The following SMIM36 variants were observed in gnomAD, a reference collection of about 807,000 sequenced individuals.
The protein encoded by SMIM36 is small integral membrane protein 36.
intron 1 of SMIM36, among the ~76,000 whole-genome samples, chr17:55,507,784 C>T (rs7219005): frequency 0.55 from 83,513 of 151,890 alleles, 24,163 homozygotes; most frequent in African/African-American, 0.74. Flanking sequence ...TTTGCGCATG[C>T]GCACTTTACC....
rs534265276 is a variant in SMIM36, at chr17:55,502,038, C to T, written c.*174+8841G>A. ...GACCGGCTTAAAAAACGGCGCACCA[C>T]GAGACTATATCCCACACCTGGCTCT... On this transcript the variant is annotated intron_variant, in intron 1 of 4. Transcript: ENST00000636752. 5.4e-4 allele frequency among the ~76,000 whole-genome samples: 82 copies of T among 152,010 alleles called. No individual in the cohort carries two copies. The South Asian group carries it at 0.015, about 28-fold the overall frequency.
chr17:55,455,945 C>T (rs1567861693), intron 4 of SMIM36, among the ~76,000 whole-genome samples: 1 of 151,708 alleles, frequency 6.6e-6, no homozygotes. Flanking sequence ...CGGTGAAACC[C>T]TGTTTCTACT....
At chr17:55,528,833 G>A in the SMIM36 span, among the ~76,000 whole-genome samples, 1 of 152,180 alleles carries the variant, frequency 6.6e-6, no homozygotes, top group East Asian at 1.9e-4. Context: ...TTACAGGCAT[G>A]AGCCACTGCA....
intron 4 of SMIM36, among the ~76,000 whole-genome samples, chr17:55,451,071 G>A (rs1908906592): frequency 1.3e-5 from 2 of 152,124 alleles, no homozygotes; most frequent in African/African-American, 2.4e-5. Context: ...ATTTTTAGTA[G>A]ATATGGGGTT....
At chr17:55,525,516 CT>C in the SMIM36 span, among the ~76,000 whole-genome samples, 2 of 152,324 alleles carry the variant, frequency 1.3e-5, no homozygotes, top group South Asian at 4.1e-4. Context: ...CTTTTGATGA[CT>C]GAATATTCTA....
chr17:55,502,908 C>T (rs1910018420), intron 1 of SMIM36, among the ~76,000 whole-genome samples: 1 of 143,768 alleles, frequency 7.0e-6, no homozygotes, highest in African/African-American at 2.7e-5. Flanking sequence ...AACCAAGGCT[C>T]GAGAACTACG....
chr17:55,459,358 T>G (rs79019967), intron 4 of SMIM36, among the ~76,000 whole-genome samples: 27 of 152,342 alleles, frequency 1.8e-4, no homozygotes, highest in East Asian at 1.7e-3. Flanking sequence ...CTAGATTTTT[T>G]TTGTTGTTGT....
chr17:55,530,380 C>A, the SMIM36 span, among the ~76,000 whole-genome samples: 1 of 152,206 alleles, frequency 6.6e-6, no homozygotes, highest in African/African-American at 2.4e-5. Flanking sequence ...TATGGTCCTC[C>A]TTTGGCAATT....
At chr17:55,491,976 A>G (rs1180753300) in intron 1 of SMIM36, among the ~76,000 whole-genome samples, 4 of 151,838 alleles carry the variant, frequency 2.6e-5, no homozygotes, top group Non-Finnish European at 4.4e-5. Context: ...TGGTTAACAC[A>G]GTGAAACCTC....
intron 1 of SMIM36, among the ~76,000 whole-genome samples, chr17:55,499,299 T>C (rs1909868184): frequency 6.6e-6 from 1 of 152,002 alleles, no homozygotes; most frequent in Admixed American, 6.6e-5. Flanking sequence ...AGAGATGGGG[T>C]TGGTGGAACA....
chr17:55,512,127 T>C (rs1910192082), upstream of SMIM36, among the ~76,000 whole-genome samples: 1 of 152,174 alleles, frequency 6.6e-6, no homozygotes, highest in African/African-American at 2.4e-5. Flanking sequence ...TCAAAAAAGC[T>C]TCCATGCAGA....
At chr17:55,520,495 A>C in the SMIM36 span, among the ~76,000 whole-genome samples, 1 of 152,180 alleles carries the variant, frequency 6.6e-6, no homozygotes, top group Non-Finnish European at 1.5e-5. Context: ...GCTAAGTAAA[A>C]TAAGGGCTAC....
chr17:55,502,091 T>G (rs1179635449), intron 1 of SMIM36, among the ~76,000 whole-genome samples: 3 of 151,268 alleles, frequency 2.0e-5, no homozygotes, highest in Non-Finnish European at 4.4e-5. Flanking sequence ...GGAATCTCGC[T>G]GATTGCTAGC....
At chr17:55,508,862 G>T (rs1024266446) in intron 1 of SMIM36, among the ~76,000 whole-genome samples, 3 of 148,034 alleles carry the variant, frequency 2.0e-5, no homozygotes, top group Admixed American at 1.4e-4. Flanking sequence ...GGCGGAGGTT[G>T]CAGTGAGCCG....
At chr17:55,469,081 T>C (rs1028732147) in intron 3 of SMIM36, among the ~76,000 whole-genome samples, 1 of 151,770 alleles carries the variant, frequency 6.6e-6, no homozygotes, top group African/African-American at 2.4e-5. Context: ...CCCCAAGTTC[T>C]GAGTCCTTTG....
chr17:55,496,770 C>T (rs181894194), intron 1 of SMIM36, among the ~76,000 whole-genome samples: 1 of 152,222 alleles, frequency 6.6e-6, no homozygotes, highest in Non-Finnish European at 1.5e-5. Flanking sequence ...TTTTCTGCAC[C>T]CACCTTGCTG....
At chr17:55,453,302 A>T (rs59926788) in intron 4 of SMIM36, among the ~76,000 whole-genome samples, 4,146 of 150,248 alleles carry the variant, frequency 0.028, 191 homozygotes, top group African/African-American at 0.099. Flanking sequence ...GGGTGACATA[A>T]ATAAGTAAGT....
chr17:55,466,852 G>A (rs977070223), intron 4 of SMIM36, among the ~76,000 whole-genome samples: 2 of 152,302 alleles, frequency 1.3e-5, no homozygotes, highest in Middle Eastern at 3.4e-3. Flanking sequence ...GTTCTTTTGC[G>A]TAAGTCCAAC....
chr17:55,494,345 C>T (rs933491537), intron 1 of SMIM36, among the ~76,000 whole-genome samples: 2 of 152,152 alleles, frequency 1.3e-5, no homozygotes, highest in Admixed American at 1.3e-4. Flanking sequence ...CACCAAGGAA[C>T]TCTGCAAAGC....
Sources: gnomAD v4.1 joint callset for allele counts (sites outside exome capture counted in the v4.1 genomes callset) on GRCh38, gnomAD v4.1.1 for gene constraint, MANE v1.5 for transcripts, NCBI Gene and HGNC (gene_info 2026-07-23, HGNC 2026-07-21) for gene names.